Variants in ACO1 observed in about 807,000 individuals in gnomAD.
ACO1 encodes the protein aconitase 1, also known as cytoplasmic aconitate hydratase.
In ACO1, 78 loss-of-function variants were observed where a neutral mutation model predicts 105.1. The observed-to-expected ratio is 0.74, with a 90% CI of 0.62 to 0.90. ACO1 has a LOEUF of 0.90. ACO1 is among the 40% of genes least tolerant of loss of function. The probability of loss-of-function intolerance (pLI) is 0.00; values close to 1 mark genes in which losing one functional copy is unlikely to be tolerated. For synonymous variants in ACO1, 364 were observed against 397.4 expected (o/e 0.92, Z 1.00); for missense variants, 965 against 1,111.1 (o/e 0.87, Z 1.87).
intron 19 of ACO1, 134 bp from the exon 20 acceptor site, chr9:32,448,762 G>C (rs1822681769): frequency 4.6e-6 from 4 of 876,694 alleles, no homozygotes; most frequent in Non-Finnish European, 7.5e-6. Flanking sequence ...TTCTGTGTCA[G>C]TCTCACTGGG....
At chr9:32,446,306 A>C (rs1437409566) in intron 19 of ACO1, among the ~76,000 whole-genome samples, 1 of 152,238 alleles carries the variant, frequency 6.6e-6, no homozygotes, top group Admixed American at 6.5e-5. Context: ...TAGGATAGTT[A>C]GCTCTTCTTG....
chr9:32,445,158 T>TATTG (rs1214013613), intron 19 of ACO1, among the ~76,000 whole-genome samples: 1 of 152,224 alleles, frequency 6.6e-6, no homozygotes, highest in Admixed American at 6.5e-5. Flanking sequence ...CCTCTTTTTC[T>TATTG]ATTGATTGGA....
chr9:32,421,047 A>G lies in ACO1; in HGVS notation c.970+20A>G. The stretch of plus-strand genomic sequence containing the variant: ...AAACAGGTAAGTGAAGGGCCCTGAA[A>G]GCATCGGGCTTTTTGTAAAAGTTCC... On this transcript the variant is annotated intron_variant, in intron 8 of 20. Coordinates refer to ENST00000309951, the MANE Select transcript of ACO1 (RefSeq NM_002197.3). 6.2e-7 allele frequency: 1 copy of G among 1,603,870 alleles called. No homozygotes were observed. Among genetic ancestry groups the G allele is most frequent in the Non-Finnish European group, 8.5e-7 (1 of 1,171,818 alleles).
chr9:32,403,175 C>A (rs143810084), intron 1 of ACO1, among the ~76,000 whole-genome samples: 615 of 152,280 alleles, frequency 4.0e-3, no homozygotes, highest in Non-Finnish European at 6.7e-3. Flanking sequence ...GGTTTGAAAC[C>A]TAGCTCTGCC....
chr9:32,441,407 C>T (rs940203932), intron 19 of ACO1, among the ~76,000 whole-genome samples: 1 of 152,114 alleles, frequency 6.6e-6, no homozygotes, highest in African/African-American at 2.4e-5. Flanking sequence ...TAATGCACCT[C>T]GGAAACACTA....
intron 20 of ACO1, among the ~76,000 whole-genome samples, chr9:32,449,697 CATT>C (rs1212334869): frequency 6.6e-6 from 1 of 152,172 alleles, no homozygotes; most frequent in African/African-American, 2.4e-5. Context: ...ACCCTGATGT[CATT>C]AATAGCTACT....
At chr9:32,392,401 A>C (rs542720912) in intron 1 of ACO1, among the ~76,000 whole-genome samples, 1 of 152,140 alleles carries the variant, frequency 6.6e-6, no homozygotes, top group Non-Finnish European at 1.5e-5. Context: ...TCTGCATTAG[A>C]GGAATTGGAT....
At chr9:32,388,767 A>G (rs1241468370) in intron 1 of ACO1, among the ~76,000 whole-genome samples, 2 of 152,216 alleles carry the variant, frequency 1.3e-5, no homozygotes, top group Admixed American at 6.5e-5. Context: ...GTTACTTTTC[A>G]TAATAACAGA....
rs753979935 is a variant in ACO1 at position 32,408,611 on chromosome 9, C to T, written c.364C>T (p.Leu122Phe). The stretch of plus-strand genomic sequence containing the variant: ...AATAAACCCTGTCTGCCCTGCTGAT[C>T]TTGTAATAGATCATTCCATCCAGGT... ...EKINPVCPAD[L>F]VIDHSIQVDF... The change falls in exon 4 of 21, where the codon CTT becomes TTT. Residue 122 changes from leucine to phenylalanine, a missense_variant. Transcript: ENST00000309951. The T allele has an allele frequency of 6.1e-5, 98 of 1,614,048 alleles. No homozygotes were observed. The highest frequency in any genetic ancestry group is 8.3e-5 in the Non-Finnish European group (98 of 1,180,028).
intron 1 of ACO1, among the ~76,000 whole-genome samples, chr9:32,394,992 G>A (rs541411987): frequency 6.6e-6 from 1 of 152,292 alleles, no homozygotes; most frequent in Admixed American, 6.5e-5. Flanking sequence ...TGTGGTGATG[G>A]CCTTTCTTTC....
chr9:32,427,210 A>G lies in ACO1; in HGVS notation c.1349-91A>G, dbSNP rs1587541704. 2.1e-5 allele frequency: 31 copies of G among 1,501,920 alleles called. No homozygotes were observed. The East Asian group carries it at 7.4e-4, about 36-fold the overall frequency. The allele number at this position is 1,501,920 out of a possible 1,614,324, so 93.0% of individuals were successfully genotyped here. On this transcript the variant is annotated intron_variant, in intron 11 of 20. Coordinates refer to ENST00000309951, the MANE Select transcript of ACO1 (RefSeq NM_002197.3). ...GTGGTCAGGTGGTGGCAGGAAATGC[A>G]GACTGAAGAAAATCAGGCTCTTTTC...
rs745325968 is a variant in ACO1 at position 32,448,910 on chromosome 9, C to T, written c.2385C>T (p.Val795=). Reference sequence around the variant, plus strand: ...TTATTCATCAGGGAATCAAAGCCGTCCTGGCCGAGAGCTACGAGCGCATTC... The same window carrying T: ...TTATTCATCAGGGAATCAAAGCCGTTCTGGCCGAGAGCTACGAGCGCATTC... ...KGPFLLGIKA[V]LAESYERIHR... The change falls in exon 20 of 21, where the codon GTC becomes GTT. Residue 795 remains valine, a synonymous_variant. Coordinates refer to ENST00000309951, the MANE Select transcript of ACO1 (RefSeq NM_002197.3). The T allele has an allele frequency of 1.2e-6, 2 of 1,614,204 alleles. No individual in the cohort carries two copies. The highest frequency in any genetic ancestry group is 2.2e-5 in the East Asian group (1 of 44,882).
rs1822835605 is a variant in ACO1 at position 32,454,459 on chromosome 9, A to G, written c.*4348A>G. 6.8e-6 allele frequency: 1 copy of G among 147,454 alleles called. No homozygotes were observed. Among genetic ancestry groups the G allele is most frequent in the Non-Finnish European group, 1.5e-5 (1 of 68,006 alleles). 9.1% of individuals were successfully genotyped at this position (147,454 alleles called of 1,614,324 possible). A position where few individuals can be genotyped will look rare whatever the true frequency, so the allele number is the denominator to read the frequency against. ...CAGCACAGGCCAGGACCACAGAGATAACAAGGTGGTAGTTGTGTAACAGGT... is the reference window on the plus strand; with the variant it reads ...CAGCACAGGCCAGGACCACAGAGATGACAAGGTGGTAGTTGTGTAACAGGT... On this transcript the variant is annotated 3_prime_UTR_variant, in exon 21 of 21. Transcript: ENST00000309951.
rs930986011 is a variant in ACO1 at position 32,451,461 on chromosome 9, A to G, written c.*1350A>G. The G allele has an allele frequency of 1.3e-5, 2 of 152,210 alleles. No individual in the cohort carries two copies. Among genetic ancestry groups the G allele is most frequent in the African/African-American group, 2.4e-5 (1 of 41,456 alleles). 9.4% of individuals were successfully genotyped at this position (152,210 alleles called of 1,614,324 possible). ...ATGGAGACCCAGGAAAGCTGGTGGTATAACAACTTGGTTCAAGTCCAAATG... is the reference window on the plus strand; with the variant it reads ...ATGGAGACCCAGGAAAGCTGGTGGTGTAACAACTTGGTTCAAGTCCAAATG... On this transcript the variant is annotated 3_prime_UTR_variant, in exon 21 of 21. Transcript: ENST00000309951.
intron 1 of ACO1, among the ~76,000 whole-genome samples, chr9:32,394,237 C>T (rs2118347538): frequency 6.6e-6 from 1 of 152,320 alleles, no homozygotes; most frequent in South Asian, 2.1e-4. Context: ...TGTCACCTGT[C>T]CCTAGAGTCC....
At chr9:32,446,881 A>G (rs991500485) in intron 19 of ACO1, among the ~76,000 whole-genome samples, 3 of 152,092 alleles carry the variant, frequency 2.0e-5, no homozygotes, top group Non-Finnish European at 4.4e-5. Context: ...TCGGTTGAAA[A>G]TTCTTTAAGA....
chr9:32,433,410 T>A (rs1286699468), intron 15 of ACO1, among the ~76,000 whole-genome samples: 1 of 151,998 alleles, frequency 6.6e-6, no homozygotes, highest in African/African-American at 2.4e-5. Flanking sequence ...ATTTTTTTTT[T>A]ATTTTTGTAG....
intron 1 of ACO1, among the ~76,000 whole-genome samples, chr9:32,399,286 C>G (rs532500306): frequency 1.4e-3 from 213 of 152,316 alleles, no homozygotes; most frequent in African/African-American, 4.9e-3. Context: ...TTTGACCTGT[C>G]TGGCAGACAG....
intron 11 of ACO1, among the ~76,000 whole-genome samples, chr9:32,426,992 A>G (rs1341858857): frequency 6.6e-6 from 1 of 152,212 alleles, no homozygotes; most frequent in African/African-American, 2.4e-5. Context: ...AAAAAAAATT[A>G]AAAACTCATT....
Sources: allele counts gnomAD v4.1 joint callset (sites outside exome capture counted in the v4.1 genomes callset), GRCh38; gene constraint gnomAD v4.1.1; transcripts MANE v1.5; gene names NCBI Gene and HGNC (gene_info 2026-07-23, HGNC 2026-07-21).